MAF: variants seen among roughly 807,000 people sequenced by gnomAD.
The protein encoded by MAF is transcription factor Maf.
MAF carries 10 observed loss-of-function variants against 22.0 expected under a neutral mutation model. The ratio of observed to expected loss-of-function variants is 0.45; its 90% CI spans 0.28 to 0.77. MAF has a LOEUF of 0.77. MAF is among the 30% of genes least tolerant of loss of function. MAF has a pLI of 0.12. For synonymous variants in MAF, 337 were observed against 255.8 expected, an observed-to-expected ratio of 1.32 and a Z score of -3.03; for missense variants, 544 against 548.4, an observed-to-expected ratio of 0.99 and a Z score of 0.08.
downstream of MAF, among the ~76,000 whole-genome samples, chr16:79,590,218 G>A (rs1913111230): frequency 1.3e-5 from 2 of 152,020 alleles, 1 homozygote; most frequent in East Asian, 3.9e-4. Context: ...AGGGGGGGAT[G>A]ATGGGGGGGC....
the MAF span, among the ~76,000 whole-genome samples, chr16:79,403,535 C>G: frequency 4.6e-5 from 7 of 152,272 alleles, no homozygotes; most frequent in African/African-American, 1.7e-4. Context: ...CTGGTCAGTG[C>G]TCATCCTTCT....
At chr16:79,443,266 G>C in the MAF span, among the ~76,000 whole-genome samples, 3 of 152,110 alleles carry the variant, frequency 2.0e-5, no homozygotes, top group African/African-American at 7.2e-5. Flanking sequence ...TTCAGTGATG[G>C]TGGACTTCTT....
At chr16:79,294,573 C>T in the MAF span, among the ~76,000 whole-genome samples, 1 of 152,124 alleles carries the variant, frequency 6.6e-6, no homozygotes, top group African/African-American at 2.4e-5. Context: ...GAAATATTTA[C>T]GTAGGTATAC....
the MAF span, chr16:79,205,716 A>C: frequency 1.3e-5 from 2 of 152,218 alleles, no homozygotes; most frequent in African/African-American, 4.8e-5. Context: ...AAGTATTTGC[A>C]TGTGTCTAAG....
At chr16:79,209,270 G>A in the MAF span, among the ~76,000 whole-genome samples, 2 of 152,206 alleles carry the variant, frequency 1.3e-5, no homozygotes, top group African/African-American at 4.8e-5. Context: ...CTGCAACAAT[G>A]GCATTCTGAA....
chr16:79,587,932 G>A (rs1912953226), intron 1 of MAF, among the ~76,000 whole-genome samples: 1 of 150,716 alleles, frequency 6.6e-6, no homozygotes, highest in Admixed American at 6.6e-5. Flanking sequence ...TGCAGTTTCT[G>A]TGTTCATATT....
chr16:79,477,029 A>G, the MAF span, among the ~76,000 whole-genome samples: 1 of 152,126 alleles, frequency 6.6e-6, no homozygotes, highest in Admixed American at 6.5e-5. Context: ...CACCTCAGGG[A>G]CATCAGGCAT....
chr16:79,391,741 G>A, the MAF span, among the ~76,000 whole-genome samples: 4 of 152,176 alleles, frequency 2.6e-5, no homozygotes, highest in African/African-American at 9.7e-5. Flanking sequence ...GCTGCGTCAG[G>A]CTTTCTGTCC....
the MAF span, among the ~76,000 whole-genome samples, chr16:79,400,663 T>C: frequency 6.6e-6 from 1 of 152,236 alleles, no homozygotes; most frequent in Non-Finnish European, 1.5e-5. Flanking sequence ...GATCTGACTA[T>C]TCCAGACCAC....
At chr16:79,228,829 G>C in the MAF span, among the ~76,000 whole-genome samples, 22 of 151,888 alleles carry the variant, frequency 1.4e-4, no homozygotes, top group Non-Finnish European at 2.9e-4. Flanking sequence ...TCCACCAAGG[G>C]TGCAGGTTTA....
At chr16:79,449,740 G>C in the MAF span, among the ~76,000 whole-genome samples, 1 of 152,090 alleles carries the variant, frequency 6.6e-6, no homozygotes, top group Non-Finnish European at 1.5e-5. Context: ...AATAGCAGTC[G>C]TTTCACCAGA....
the MAF span, among the ~76,000 whole-genome samples, chr16:79,211,032 GGAGT>G: frequency 2.4e-3 from 73 of 30,458 alleles, no homozygotes; most frequent in African/African-American, 8.8e-3. Flanking sequence ...TGTATGGTGA[GGAGT>G]GTGTGTGTGT....
At chr16:79,261,264 C>G in the MAF span, among the ~76,000 whole-genome samples, 11 of 152,132 alleles carry the variant, frequency 7.2e-5, no homozygotes, top group Non-Finnish European at 1.0e-4. Flanking sequence ...GAGATTCTCC[C>G]GCTTCAGCCT....
chr16:79,476,939 C>T, the MAF span, among the ~76,000 whole-genome samples: 5 of 152,246 alleles, frequency 3.3e-5, no homozygotes, highest in East Asian at 5.8e-4. Context: ...TTATCATCCA[C>T]GGCCATCTTA....
chr16:79,538,866 A>G, the MAF span, among the ~76,000 whole-genome samples: 1 of 117,430 alleles, frequency 8.5e-6, no homozygotes, highest in African/African-American at 3.5e-5. Flanking sequence ...AAAAGAAAAG[A>G]AAAGAAAAGA....
At chr16:79,552,266 T>C in the MAF span, among the ~76,000 whole-genome samples, 2 of 151,824 alleles carry the variant, frequency 1.3e-5, no homozygotes, top group African/African-American at 4.8e-5. Context: ...CAGATTGGAG[T>C]GCAGTTCAGC....
chr16:79,240,715 C>T, the MAF span, among the ~76,000 whole-genome samples: 3 of 151,842 alleles, frequency 2.0e-5, no homozygotes, highest in African/African-American at 7.2e-5. Context: ...ACTGCCTCCT[C>T]AAGTGGGTCC....
the MAF span, among the ~76,000 whole-genome samples, chr16:79,497,014 A>C: frequency 6.6e-6 from 1 of 152,214 alleles, no homozygotes; most frequent in African/African-American, 2.4e-5. Flanking sequence ...ATATGATCAA[A>C]TAAAAGCTTC....
the MAF span, among the ~76,000 whole-genome samples, chr16:79,522,779 T>G: frequency 1.3e-5 from 2 of 152,190 alleles, no homozygotes; most frequent in Non-Finnish European, 1.5e-5. Context: ...AAAAGTCATC[T>G]AATATCACGA....
Sources: gnomAD v4.1 joint callset for allele counts (sites outside exome capture counted in the v4.1 genomes callset) on GRCh38, gnomAD v4.1.1 for gene constraint, MANE v1.5 for transcripts, NCBI Gene and HGNC (gene_info 2026-07-23, HGNC 2026-07-21) for gene names.